Variants in PRKX observed in about 807,000 individuals in gnomAD.
The protein encoded by PRKX is protein kinase cAMP-dependent X-linked catalytic subunit.
Under a neutral mutation model 22.0 loss-of-function variants are expected in PRKX, and 12 were observed. The observed-to-expected ratio is 0.54, with a 90% CI of 0.35 to 0.88. PRKX has a LOEUF of 0.88. Among genes scored for constraint, PRKX ranks in the 40% least tolerant of loss-of-function variants. PRKX has a pLI of 0.01. For missense variants in PRKX, 217 were observed against 308.0 expected (o/e 0.70, Z 2.21); for synonymous variants, 134 against 137.7 (o/e 0.97, Z 0.19).
Position 3,605,057 on chromosome X carries a change from A to C in PRKX, c.*3912T>G, listed in dbSNP as rs1176438327. The C allele has an allele frequency of 1.2e-5, 1 of 80,290 alleles. No homozygotes were observed. Among genetic ancestry groups the C allele is most frequent in the African/African-American group, 4.8e-5 (1 of 20,762 alleles). The allele number at this position is 80,290 out of a possible 1,213,427, so 6.6% of individuals were successfully genotyped here. A position where few individuals can be genotyped will look rare whatever the true frequency, so the allele number is the denominator to read the frequency against. On this transcript the variant is annotated 3_prime_UTR_variant, in exon 9 of 9. Transcript: ENST00000262848. Reference sequence around the variant, plus strand: ...CACACACACACACACACACACACACACACCCCGCAAAGAAACTATCCAAAT... The same window carrying C: ...CACACACACACACACACACACACACCCACCCCGCAAAGAAACTATCCAAAT...
chrX:3,712,181 G>A (rs1229777404), intron 1 of PRKX, among the ~76,000 whole-genome samples: 1 of 111,115 alleles, frequency 9.0e-6, no homozygotes, highest in African/African-American at 3.3e-5. Flanking sequence ...CCTGAGAGCC[G>A]ACGCCTCACC....
chrX:3,617,400 T>C (rs781125287), intron 6 of PRKX, among the ~76,000 whole-genome samples: 4 of 109,742 alleles, frequency 3.6e-5, no homozygotes, highest in African/African-American at 1.3e-4. Flanking sequence ...TTCCAGCACT[T>C]TGGGAGGCCG....
intron 2 of PRKX, among the ~76,000 whole-genome samples, chrX:3,672,329 T>C (rs1419978547): frequency 8.9e-6 from 1 of 112,180 alleles, no homozygotes; most frequent in African/African-American, 3.2e-5. Flanking sequence ...TGTTCCTTAA[T>C]TGAAAGCAGG....
chrX:3,696,125 A>C (rs1928437725), intron 1 of PRKX, among the ~76,000 whole-genome samples: 1 of 110,255 alleles, frequency 9.1e-6, no homozygotes, highest in African/African-American at 3.3e-5. Context: ...CAATGTCCTT[A>C]TTAAAGGGAC....
At chrX:3,666,509 G>A (rs781482619) in intron 2 of PRKX, among the ~76,000 whole-genome samples, 10 of 111,718 alleles carry the variant, frequency 9.0e-5, no homozygotes, top group South Asian at 3.8e-4. Context: ...GGACGCTCAT[G>A]CCTGTAATCT....
At chrX:3,699,193 C>T (rs1478932453) in intron 1 of PRKX, among the ~76,000 whole-genome samples, 2 of 107,823 alleles carry the variant, frequency 1.9e-5, no homozygotes, top group Admixed American at 1.0e-4. Context: ...TGCACCACTA[C>T]GCCCGGCTAA....
At chrX:3,610,594 A>C (rs1351343087) in intron 8 of PRKX, among the ~76,000 whole-genome samples, 1 of 111,507 alleles carries the variant, frequency 9.0e-6, no homozygotes, top group Non-Finnish European at 1.9e-5. Flanking sequence ...TCAACAATGC[A>C]TACCAGATGG....
At chrX:3,667,203 G>T (rs1603474349) in intron 2 of PRKX, 1 of 111,728 alleles carries the variant, frequency 9.0e-6, no homozygotes, top group East Asian at 2.8e-4. Flanking sequence ...CTGATCTGCA[G>T]TCTTTTATTT....
chrX:3,673,441 A>T (rs1236997928), intron 2 of PRKX, among the ~76,000 whole-genome samples: 3 of 110,959 alleles, frequency 2.7e-5, no homozygotes, highest in Non-Finnish European at 5.7e-5. Flanking sequence ...GGAGAGAGGC[A>T]GGTCATTGCA....
At chrX:3,653,322 G>A (rs2146581818) in intron 3 of PRKX, among the ~76,000 whole-genome samples, 1 of 110,071 alleles carries the variant, frequency 9.1e-6, no homozygotes, top group East Asian at 2.9e-4. Flanking sequence ...GTTCCCTCCA[G>A]GTACAGAATC....
At chrX:3,694,654 A>G in intron 1 of PRKX, among the ~76,000 whole-genome samples, 1 of 111,843 alleles carries the variant, frequency 8.9e-6, no homozygotes, top group East Asian at 2.8e-4. Context: ...CATGTCCAGA[A>G]CCTGGAATGG....
intron 1 of PRKX, among the ~76,000 whole-genome samples, chrX:3,686,185 T>C (rs1272325486): frequency 8.9e-6 from 1 of 111,749 alleles, no homozygotes; most frequent in Non-Finnish European, 1.9e-5. Flanking sequence ...ATCAAGGATC[T>C]CACACCAGTA....
At chrX:3,647,865 C>G (rs1170988861) in intron 3 of PRKX, among the ~76,000 whole-genome samples, 1 of 109,871 alleles carries the variant, frequency 9.1e-6, no homozygotes, top group Admixed American at 1.0e-4. Flanking sequence ...CCTCATTAAA[C>G]AGCATCTTCC....
chrX:3,652,235 A>G (rs1440270339), intron 3 of PRKX, among the ~76,000 whole-genome samples: 26 of 110,513 alleles, frequency 2.4e-4, no homozygotes, highest in Non-Finnish European at 5.7e-5. Context: ...TGGCTAACAC[A>G]GTGAAATCCC....
chrX:3,689,169 C>T (rs373633451), intron 1 of PRKX, among the ~76,000 whole-genome samples: 48 of 112,617 alleles, frequency 4.3e-4, no homozygotes, highest in African/African-American at 1.4e-3. Flanking sequence ...GATATCAGAA[C>T]GTACACATTT....
chrX:3,618,905 T>A (rs1254388953), intron 6 of PRKX, among the ~76,000 whole-genome samples: 1 of 111,840 alleles, frequency 8.9e-6, no homozygotes, highest in Non-Finnish European at 1.9e-5. Flanking sequence ...ACTCGTCCAA[T>A]CTTATGAAGA....
chrX:3,700,553 CT>C (rs200000195), intron 1 of PRKX, among the ~76,000 whole-genome samples: 27 of 108,723 alleles, frequency 2.5e-4, no homozygotes, highest in African/African-American at 8.4e-4. Context: ...TTTTTCTTCT[CT>C]TTTTTTTTCC....
intron 3 of PRKX, among the ~76,000 whole-genome samples, chrX:3,643,961 T>C (rs140616749): frequency 0.01 from 1,125 of 110,019 alleles, 9 homozygotes; most frequent in African/African-American, 0.036. Flanking sequence ...GTTACTGTTA[T>C]CTTTCCTTCC....
At chrX:3,673,630 G>A (rs761569924) in intron 2 of PRKX, among the ~76,000 whole-genome samples, 31 of 110,887 alleles carry the variant, frequency 2.8e-4, no homozygotes, top group Non-Finnish European at 4.5e-4. Context: ...GCAAGATGGC[G>A]GAGGGAAGAC....
Sources: allele counts gnomAD v4.1 joint callset (sites outside exome capture counted in the v4.1 genomes callset), GRCh38; gene constraint gnomAD v4.1.1; transcripts MANE v1.5; gene names NCBI Gene and HGNC (gene_info 2026-07-23, HGNC 2026-07-21).